GAREM1: variants seen among roughly 807,000 people sequenced by gnomAD.
The protein encoded by GAREM1 is GRB2 associated regulator of MAPK1 subtype 1, also known as GRB2-associated and regulator of MAPK protein 1.
GAREM1 carries 26 observed loss-of-function variants against 71.3 expected under a neutral mutation model. That is an observed-to-expected ratio of 0.36 (90% confidence interval 0.27 to 0.51). GAREM1 has a LOEUF of 0.51. GAREM1 is among the 20% of genes least tolerant of loss of function. GAREM1 has a pLI of 0.95. For missense variants in GAREM1, 1,026 were observed against 1,103.1 expected (o/e 0.93, Z 0.99); for synonymous variants, 440 against 433.2 (o/e 1.02, Z -0.20).
chr18:32,364,022 A>ATGTTTTTTT (rs1236005063), intron 2 of GAREM1, among the ~76,000 whole-genome samples: 2 of 52,072 alleles, frequency 3.8e-5, no homozygotes, highest in Non-Finnish European at 6.3e-5. Context: ...ATATATATAT[A>ATGTTTTTTT]TATATGTTTT....
At chr18:32,322,265 A>C (rs952424453) in intron 2 of GAREM1, among the ~76,000 whole-genome samples, 14 of 152,144 alleles carry the variant, frequency 9.2e-5, no homozygotes, top group Non-Finnish European at 2.1e-4. Flanking sequence ...AGCAGGGTAG[A>C]GGTGGTACAG....
chr18:32,291,495 C>A (rs999597137), intron 3 of GAREM1, among the ~76,000 whole-genome samples: 1 of 151,388 alleles, frequency 6.6e-6, no homozygotes, highest in Admixed American at 6.6e-5. Context: ...ATTAGGTCAA[C>A]AAGAATTTTT....
At chr18:32,375,087 C>T (rs1599000053) in intron 2 of GAREM1, among the ~76,000 whole-genome samples, 1 of 152,214 alleles carries the variant, frequency 6.6e-6, no homozygotes, top group Non-Finnish European at 1.5e-5. Context: ...TATATACACA[C>T]TAAATATATG....
chr18:32,407,078 C>T lies in GAREM1; in HGVS notation c.122-14043G>A, dbSNP rs551737235. On this transcript the variant is annotated intron_variant, in intron 1 of 5. Transcript: ENST00000269209. ...CTAACATTCAGCTATCCCAAATGAT[C>T]CTCCAACACTATGCAAGTGCCTACG... Among the ~76,000 whole-genome samples, 5 of 152,258 alleles carry T rather than the reference C, an allele frequency of 3.3e-5. No individual in the cohort carries two copies. The East Asian group carries it at 7.7e-4, about 23-fold the overall frequency.
rs527469268 is a variant in GAREM1 at position 32,268,843 on chromosome 18, C to T, written c.1734-75G>A. ...TCCCAAGGCTTTTGTTATTTATAGA[C>T]GTTACTGCTGAGTAGAAAAGCGCAG... On this transcript the variant is annotated intron_variant, in intron 5 of 5. Coordinates refer to ENST00000269209, the MANE Select transcript of GAREM1 (RefSeq NM_001242409.2). 4.6e-5 allele frequency: 58 copies of T among 1,261,588 alleles called. No homozygotes were observed. The Admixed American group carries it at 4.9e-4, about 11-fold the overall frequency. The allele number at this position is 1,261,588 out of a possible 1,614,324, so 78.1% of individuals were successfully genotyped here.
At chr18:32,432,749 T>C (rs927962618) in intron 1 of GAREM1, among the ~76,000 whole-genome samples, 2 of 152,064 alleles carry the variant, frequency 1.3e-5, no homozygotes, top group African/African-American at 4.8e-5. Flanking sequence ...GAAGAAGAAA[T>C]AGATGACTTG....
At chr18:32,377,178 T>A (rs962295404) in intron 2 of GAREM1, among the ~76,000 whole-genome samples, 10 of 152,178 alleles carry the variant, frequency 6.6e-5, no homozygotes, top group Non-Finnish European at 1.2e-4. Context: ...AGTATTGAGT[T>A]GGGAAGAAAA....
rs141313427 is a variant in GAREM1 at position 32,345,114 on chromosome 18, A to C, written c.263-34791T>G. On this transcript the variant is annotated intron_variant, in intron 2 of 5. Coordinates refer to ENST00000269209, the MANE Select transcript of GAREM1 (RefSeq NM_001242409.2). ...CCAAACAACAACAACAACAAAAAAC[A>C]GTCTGCAGTCTATAAGTAAATCAGA... Among the ~76,000 whole-genome samples, 229 of 152,324 alleles carry C rather than the reference A, an allele frequency of 1.5e-3. 1 individual carries two copies. Among genetic ancestry groups the C allele is most frequent in the African/African-American group, 5.3e-3 (220 of 41,588 alleles).
rs200162209 is a variant in GAREM1, at chr18:32,287,471, G to A, written c.1126C>T (p.Arg376Cys). 7.4e-6 allele frequency: 12 copies of A among 1,614,134 alleles called. No individual in the cohort carries two copies. The highest frequency in any genetic ancestry group is 6.7e-5 in the Admixed American group (4 of 60,024). Residue 376 changes from arginine to cysteine, a missense_variant, in exon 4 of 6, where the codon CGC (arginine) becomes TGC (cysteine). By Grantham distance (180) the Arg-to-Cys change is radical (BLOSUM62 -3). Coordinates refer to ENST00000269209, the MANE Select transcript of GAREM1 (RefSeq NM_001242409.2). This position sits in a 1 kb window ranked among gnomAD's most constrained non-coding sequence, Gnocchi z 5.9. Reference sequence around the variant, plus strand: ...TGGAAGGACTGGGTGAGCTCATCGCGGGCGTAGCTGAGCGAATTGGGCACG... The same window carrying A: ...TGGAAGGACTGGGTGAGCTCATCGCAGGCGTAGCTGAGCGAATTGGGCACG... ...NHVPNSLSYA[R>C]DELTQSFHRL...
Position 32,265,187 on chromosome 18 carries a change from A to T in GAREM1, c.*2684T>A, listed in dbSNP as rs927319998. 5 of 152,264 alleles carry T rather than the reference A, an allele frequency of 3.3e-5. No homozygotes were observed. Among genetic ancestry groups the T allele is most frequent in the Admixed American group, 3.3e-4 (5 of 15,284 alleles). 9.4% of individuals were successfully genotyped at this position (152,264 alleles called of 1,614,324 possible). A position where few individuals can be genotyped will look rare whatever the true frequency, so the allele number is the denominator to read the frequency against. ...GACAGGTGCTCAGCTTAGGAATGGC[A>T]ATTTCATTTATTTGTGGCATTTATT... On this transcript the variant is annotated 3_prime_UTR_variant, in exon 6 of 6. Transcript: ENST00000269209.
rs756668647 is a variant in GAREM1 at position 32,287,378 on chromosome 18, T to C, written c.1219A>G (p.Arg407Gly). Residue 407 changes from arginine to glycine, a missense_variant, in exon 4 of 6, where the codon AGG becomes GGG. By Grantham distance (125) the Arg-to-Gly change is moderately radical. Transcript: ENST00000269209. The surrounding 1 kb of genome is among the most constrained non-coding windows in gnomAD (Gnocchi z 5.9). Reference protein sequence around the residue: ...GNSEVNLHGCRDLGGDWAPFP... With the variant: ...GNSEVNLHGCGDLGGDWAPFP... Reference sequence around the variant, plus strand: ...GGAGCCCAATCTCCCCCCAGGTCCCTGCAACCATGAAGGTTCACCTCACTG... The same window carrying C: ...GGAGCCCAATCTCCCCCCAGGTCCCCGCAACCATGAAGGTTCACCTCACTG... The C allele has an allele frequency of 1.8e-5, 29 of 1,614,114 alleles. No homozygotes were observed. The highest frequency in any genetic ancestry group is 2.2e-5 in the Non-Finnish European group (26 of 1,180,044).
At chr18:32,375,448 T>C (rs1012852366) in intron 2 of GAREM1, among the ~76,000 whole-genome samples, 2 of 151,666 alleles carry the variant, frequency 1.3e-5, no homozygotes, top group African/African-American at 4.8e-5. Context: ...CTTCATACCT[T>C]ATTCATTCAG....
chr18:32,373,438 T>G (rs868613565), intron 2 of GAREM1, among the ~76,000 whole-genome samples: 1 of 152,126 alleles, frequency 6.6e-6, no homozygotes, highest in Admixed American at 6.6e-5. Context: ...GGGTAGGGCC[T>G]TAGGGAGGTG....
chr18:32,309,344 G>A lies in GAREM1; in HGVS notation c.393+849C>T, dbSNP rs111471415. Among the ~76,000 whole-genome samples the A allele has an allele frequency of 5.3e-3, 792 of 149,094 alleles. 37 individuals are homozygous for A. Among genetic ancestry groups the A allele is most frequent in the Non-Finnish European group, 7.5e-3 (501 of 67,170 alleles). ...AAGAATGCAGAACAAGGCCAGACACGGTGGCTCACACCTGTAATCCCAGCA... is the reference window on the plus strand; with the variant it reads ...AAGAATGCAGAACAAGGCCAGACACAGTGGCTCACACCTGTAATCCCAGCA... On this transcript the variant is annotated intron_variant, in intron 3 of 5. Transcript: ENST00000269209.
At chr18:32,341,294 C>T (rs2144575122) in intron 2 of GAREM1, among the ~76,000 whole-genome samples, 1 of 152,292 alleles carries the variant, frequency 6.6e-6, no homozygotes, top group East Asian at 1.9e-4. Flanking sequence ...CATGTCCCTA[C>T]AAAGGACATG....
intron 4 of GAREM1, among the ~76,000 whole-genome samples, chr18:32,278,337 G>C (rs1337231829): frequency 6.6e-6 from 1 of 152,176 alleles, no homozygotes; most frequent in African/African-American, 2.4e-5. Flanking sequence ...GTGGGGGAGA[G>C]AGTATACCTC....
intron 1 of GAREM1, among the ~76,000 whole-genome samples, chr18:32,422,719 G>T (rs981308448): frequency 6.6e-6 from 1 of 152,124 alleles, no homozygotes; most frequent in Admixed American, 6.6e-5. Flanking sequence ...TCCTGGCTTA[G>T]ACAATTAGAA....
intron 1 of GAREM1, among the ~76,000 whole-genome samples, chr18:32,393,754 G>A (rs1043643090): frequency 1.3e-5 from 2 of 151,882 alleles, no homozygotes; most frequent in African/African-American, 4.8e-5. Flanking sequence ...GTATCTTTTC[G>A]GCATTTGAAC....
rs1200340985 is a variant in GAREM1, at chr18:32,270,279, C to T, written c.1671G>A (p.Ala557=). Residue 557 remains alanine, a synonymous_variant, in exon 5 of 6, where the codon GCG becomes GCA. Coordinates refer to ENST00000269209, the MANE Select transcript of GAREM1 (RefSeq NM_001242409.2). ...GGCTGGGAGAGCGAGTCTGTTGCCG[C>T]GCTGGCTTGACTGTGCGAGGAGGGA... ...PSIPPRTVKP[A]RQQTRSPSPT... 12 of 1,613,832 alleles carry T rather than the reference C, an allele frequency of 7.4e-6. No homozygotes were observed. The highest frequency in any genetic ancestry group is 5.5e-5 in the South Asian group (5 of 91,018).
Sources: allele counts gnomAD v4.1 joint callset (sites outside exome capture counted in the v4.1 genomes callset), GRCh38; gene constraint gnomAD v4.1.1; non-coding constraint Gnocchi (gnomAD v3.1); transcripts MANE v1.5; gene names NCBI Gene and HGNC (gene_info 2026-07-23, HGNC 2026-07-21).